The following NAA35 variants were observed in gnomAD, a reference collection of about 807,000 sequenced individuals.
The protein encoded by NAA35 is N-alpha-acetyltransferase 35, NatC auxiliary subunit.
Under a neutral mutation model 101.7 loss-of-function variants are expected in NAA35, and 18 were observed. The ratio of observed to expected loss-of-function variants is 0.18; its 90% CI spans 0.12 to 0.26. The LOEUF is 0.26. Ranked by LOEUF, NAA35 falls within the 10% of genes least tolerant of loss-of-function variation. NAA35 has a pLI of 1.00. For missense variants in NAA35, 601 were observed against 886.8 expected (o/e 0.68, Z 4.09); for synonymous variants, 267 against 273.1 (o/e 0.98, Z 0.22).
intron 2 of NAA35, among the ~76,000 whole-genome samples, chr9:85,946,969 A>G (rs78079760): frequency 3.3e-3 from 506 of 152,100 alleles, no homozygotes; most frequent in Non-Finnish European, 4.4e-3. Context: ...TTTCTTTTCT[A>G]TCTTCTCTCA....
rs571956661 is a variant in NAA35, at chr9:85,998,358, G to C, written c.1056+1781G>C. ...CAAATTCTACATTATTTTAATGGCTGTGTGGTATTCCATTTTAAGCATATA... is the reference window on the plus strand; with the variant it reads ...CAAATTCTACATTATTTTAATGGCTCTGTGGTATTCCATTTTAAGCATATA... On this transcript the variant is annotated intron_variant, in intron 12 of 22. Transcript: ENST00000361671. 1.8e-4 allele frequency among the ~76,000 whole-genome samples: 27 copies of C among 152,178 alleles called. 1 individual carries two copies. Among genetic ancestry groups the C allele is most frequent in the African/African-American group, 6.0e-4 (25 of 41,524 alleles).
chr9:86,011,356 A>T (rs1227964209), intron 15 of NAA35, among the ~76,000 whole-genome samples: 1 of 151,818 alleles, frequency 6.6e-6, no homozygotes, highest in Non-Finnish European at 1.5e-5. Context: ...TTAATTTTTT[A>T]AAATATTTAT....
chr9:85,941,760 C>A, intron 1 of NAA35: 1 of 990,342 alleles, frequency 1.0e-6, no homozygotes, highest in Non-Finnish European at 1.2e-6. Flanking sequence ...TGATTGACTT[C>A]GGTAGCTGCC....
rs1048014589 is a variant in NAA35, at chr9:85,985,287, C to T, written c.877+6906C>T. Among the ~76,000 whole-genome samples, 4 of 152,076 alleles carry T rather than the reference C, an allele frequency of 2.6e-5. No homozygotes were observed. The East Asian group carries it at 7.7e-4, about 29-fold the overall frequency. On this transcript the variant is annotated intron_variant, in intron 11 of 22. Coordinates refer to ENST00000361671, the MANE Select transcript of NAA35 (RefSeq NM_024635.4). ...ATTATCCAAGGGAAATGAAAACATC[C>T]AAACAAAAAGTTATACACTAATGCT...
At chr9:85,955,922 A>G (rs970092611) in intron 2 of NAA35, among the ~76,000 whole-genome samples, 2 of 152,206 alleles carry the variant, frequency 1.3e-5, no homozygotes, top group Non-Finnish European at 2.9e-5. Flanking sequence ...TACATGATTT[A>G]AACAAAATAG....
chr9:85,989,789 C>T (rs1388566616), intron 11 of NAA35, among the ~76,000 whole-genome samples: 2 of 152,150 alleles, frequency 1.3e-5, no homozygotes, highest in Non-Finnish European at 2.9e-5. Flanking sequence ...ACATAACTGT[C>T]AAGAATCTTG....
intron 2 of NAA35, among the ~76,000 whole-genome samples, chr9:85,945,740 C>G (rs181564624): frequency 6.6e-6 from 1 of 152,098 alleles, no homozygotes; most frequent in Non-Finnish European, 1.5e-5. Context: ...AGGATGGTCT[C>G]GATCTCCTGA....
At chr9:85,944,465 C>G (rs973846218) in intron 2 of NAA35, among the ~76,000 whole-genome samples, 1 of 152,204 alleles carries the variant, frequency 6.6e-6, no homozygotes, top group Non-Finnish European at 1.5e-5. Flanking sequence ...AGGCCTTGGA[C>G]TAGGCCTTGA....
chr9:86,011,302 GAA>G (rs966635671), intron 15 of NAA35, among the ~76,000 whole-genome samples: 2 of 151,704 alleles, frequency 1.3e-5, no homozygotes, highest in African/African-American at 4.8e-5. Context: ...AAGTAATTAG[GAA>G]AAAATGCAAA....
chr9:85,956,091 T>G (rs1829261760), intron 2 of NAA35, among the ~76,000 whole-genome samples: 2 of 152,324 alleles, frequency 1.3e-5, no homozygotes, highest in Non-Finnish European at 2.9e-5. Flanking sequence ...TAATTCTGAT[T>G]GGAATATTAT....
At chr9:85,966,604 GCTC>G in intron 6 of NAA35, 1 of 1,245,930 alleles carries the variant, frequency 8.0e-7, no homozygotes, top group Non-Finnish European at 1.0e-6. Context: ...AGATTTCGCG[GCTC>G]CTAGAACTGA....
rs1249712428 is a variant in NAA35 at position 86,024,752 on chromosome 9, A to G, written c.*2792A>G. ...GTAGGAGACCAGGTTTGGGATAAAG[A>G]TTGCTTTAGACATTGAGATATCTTT... On this transcript the variant is annotated 3_prime_UTR_variant, in exon 23 of 23. Coordinates refer to ENST00000361671, the MANE Select transcript of NAA35 (RefSeq NM_024635.4). Among the ~76,000 whole-genome samples, 1 of 152,090 alleles carries G rather than the reference A, an allele frequency of 6.6e-6. No homozygotes were observed. The highest frequency in any genetic ancestry group is 1.5e-5 in the Non-Finnish European group (1 of 68,020).
At chr9:86,017,237 A>T (rs182779282) in intron 18 of NAA35, among the ~76,000 whole-genome samples, 13 of 152,374 alleles carry the variant, frequency 8.5e-5, no homozygotes, top group African/African-American at 3.1e-4. Context: ...TTCCTATATA[A>T]GAGGTTAAAT....
chr9:85,969,020 T>C (rs1829882563), intron 6 of NAA35, among the ~76,000 whole-genome samples: 1 of 152,226 alleles, frequency 6.6e-6, no homozygotes, highest in Non-Finnish European at 1.5e-5. Context: ...CAGTTGTATA[T>C]ATTTTTTTGA....
intron 10 of NAA35, among the ~76,000 whole-genome samples, chr9:85,977,974 G>T (rs1587607232): frequency 6.8e-6 from 1 of 146,310 alleles, no homozygotes; most frequent in African/African-American, 2.5e-5. Context: ...TGGTAGAATT[G>T]TTGAAAATTT....
At chr9:85,968,541 G>A (rs7467831) in intron 6 of NAA35, among the ~76,000 whole-genome samples, 6,191 of 152,182 alleles carry the variant, frequency 0.041, 489 homozygotes, top group East Asian at 0.36. Flanking sequence ...TAAGTGGGGT[G>A]TGTGTGTATG....
In NAA35 at chr9:85,978,425, A is replaced by G. The variant is rs758139952; in HGVS notation, c.877+44A>G. ...CCTACTCTTTCTTTTCTTCGTTTCT[A>G]TCCAAAATATTTAGTGCTTAGCTTG... On this transcript the variant is annotated intron_variant, in intron 11 of 22. Coordinates refer to ENST00000361671, the MANE Select transcript of NAA35 (RefSeq NM_024635.4). 5.2e-6 allele frequency: 7 copies of G among 1,339,652 alleles called. No individual in the cohort carries two copies. In the South Asian group the frequency reaches 7.0e-5, roughly 13 times the overall value. The allele number at this position is 1,339,652 out of a possible 1,614,324, so 83.0% of individuals were successfully genotyped here. A position where few individuals can be genotyped will look rare whatever the true frequency, so the allele number is the denominator to read the frequency against.
rs1828505235 is a variant in NAA35, at chr9:85,941,398, C to T, written c.-6+125C>T. On this transcript the variant is annotated intron_variant, in intron 1 of 22. Transcript: ENST00000361671. ...CCCTGCGGCCCCGGCCCTCCCGCTG[C>T]GCGTCAGGTAGGAGCGGCGGGCTCC... 6 of 985,400 alleles carry T rather than the reference C, an allele frequency of 6.1e-6. No homozygotes were observed. In the South Asian group the frequency reaches 2.8e-4, roughly 46 times the overall value. The allele number at this position is 985,400 out of a possible 1,614,324, so 61.0% of individuals were successfully genotyped here.
At chr9:85,957,215 G>A (rs1829315528) in intron 3 of NAA35, among the ~76,000 whole-genome samples, 1 of 152,138 alleles carries the variant, frequency 6.6e-6, no homozygotes, top group Admixed American at 6.5e-5. Flanking sequence ...GCCATATACT[G>A]TATTCTTAGA....
Sources: allele counts gnomAD v4.1 joint callset (sites outside exome capture counted in the v4.1 genomes callset), GRCh38; gene constraint gnomAD v4.1.1; transcripts MANE v1.5; gene names NCBI Gene and HGNC (gene_info 2026-07-23, HGNC 2026-07-21).